The following CASP5 variants were observed in gnomAD, a reference collection of about 807,000 sequenced individuals.
CASP5 encodes the protein caspase-5.
Under a neutral mutation model 45.2 loss-of-function variants are expected in CASP5, and 42 were observed. That is an observed-to-expected ratio of 0.93 (90% CI 0.73 to 1.20). The LOEUF is 1.20. Among genes scored for constraint, CASP5 ranks in the 50% most tolerant of loss-of-function variants. The probability of loss-of-function intolerance (pLI) is 0.00; values close to 1 mark genes in which losing one functional copy is unlikely to be tolerated. For missense variants in CASP5, 512 were observed against 532.2 expected (o/e 0.96, Z 0.37); for synonymous variants, 209 against 186.2 (o/e 1.12, Z -1.00).
intron 8 of CASP5, 152 bp downstream of exon 8, chr11:104,997,231 A>C (rs2134688907): frequency 1.6e-6 from 1 of 610,264 alleles, no homozygotes; most frequent in East Asian, 3.0e-5. Context: ...TCTTTCTCTA[A>C]AGCAGATTTT....
At chr11:105,018,392 G>A (rs531951413) in intron 1 of CASP5, among the ~76,000 whole-genome samples, 9 of 152,276 alleles carry the variant, frequency 5.9e-5, no homozygotes, top group Non-Finnish European at 1.0e-4. Flanking sequence ...CCACCAGTGT[G>A]CTGTATTCAG....
At position 105,017,081 on chromosome 11, in the gene CASP5, C is replaced by A. The variant is rs1055907820; in HGVS notation, c.7+6049G>T. Among the ~76,000 whole-genome samples the A allele has an allele frequency of 2.7e-4, 41 of 151,886 alleles. 1 individual carries two copies. The highest frequency in any genetic ancestry group is 1.9e-4 in the East Asian group (1 of 5,168). ...TCACACGGCCGGGTACTCCAACAGA[C>A]CTGCAGCTGAGGGTCCTGTCTGTTA... On this transcript the variant is annotated intron_variant, in intron 1 of 9. Transcript: ENST00000260315.
Position 105,019,172 on chromosome 11 carries a change from T to G in CASP5, c.7+3958A>C, listed in dbSNP as rs1207691513. Among the ~76,000 whole-genome samples, 5 of 150,568 alleles carry G rather than the reference T, an allele frequency of 3.3e-5. No individual in the cohort carries two copies. In the South Asian group the frequency reaches 1.1e-3, roughly 32 times the overall value. ...TTCAAAGCAGTGTGTAGAGGGAAAT[T>G]TATAGCACTAAATGCCCACAAGAGA... On this transcript the variant is annotated intron_variant, in intron 1 of 9. Coordinates refer to ENST00000260315, the MANE Select transcript of CASP5 (RefSeq NM_004347.5).
intron 8 of CASP5, 151 bp downstream of exon 8, chr11:104,997,232 A>G: frequency 1.6e-6 from 1 of 611,566 alleles, no homozygotes; most frequent in East Asian, 3.0e-5. Flanking sequence ...CTTTCTCTAA[A>G]GCAGATTTTA....
chr11:105,013,187 A>G (rs1862436563), intron 1 of CASP5, among the ~76,000 whole-genome samples: 1 of 152,046 alleles, frequency 6.6e-6, no homozygotes, highest in South Asian at 2.1e-4. Flanking sequence ...AACAAATACT[A>G]TATGATCTCA....
At chr11:105,012,892 A>G (rs891932986) in intron 1 of CASP5, among the ~76,000 whole-genome samples, 11 of 152,010 alleles carry the variant, frequency 7.2e-5, no homozygotes, top group African/African-American at 2.7e-4. Flanking sequence ...TGAATTAAAA[A>G]TGTTAAAAAT....
intron 1 of CASP5, among the ~76,000 whole-genome samples, chr11:105,016,494 GGGAA>G (rs1862603641): frequency 6.6e-6 from 1 of 152,112 alleles, no homozygotes; most frequent in Admixed American, 6.5e-5. Flanking sequence ...TGCCTCACTC[GGGAA>G]GCGCAAGGGG....
At chr11:105,003,232 T>A (rs773989406) in intron 4 of CASP5, 42 bp downstream of exon 4, 7 of 1,198,828 alleles carry the variant, frequency 5.8e-6, no homozygotes, top group Non-Finnish European at 8.6e-6. Flanking sequence ...TGAAAGCAAT[T>A]GTTTCTCTCT....
At chr11:105,021,294 C>A (rs1358789306) in intron 1 of CASP5, among the ~76,000 whole-genome samples, 2 of 145,408 alleles carry the variant, frequency 1.4e-5, no homozygotes, top group Admixed American at 1.5e-4. Flanking sequence ...GCAACAGAAG[C>A]CAAAATTGAC....
chr11:104,999,104 G>A (rs1439982908), intron 6 of CASP5, 76 bp from the exon 7 acceptor site: 4 of 1,286,926 alleles, frequency 3.1e-6, no homozygotes, highest in Middle Eastern at 1.9e-4. Context: ...GTGTAGGTTT[G>A]TTACATAGTT....
intron 6 of CASP5, among the ~76,000 whole-genome samples, chr11:104,999,936 G>GTAAA (rs1424597115): frequency 6.6e-6 from 1 of 152,152 alleles, no homozygotes; most frequent in Non-Finnish European, 1.5e-5. Flanking sequence ...CAACATGTCT[G>GTAAA]TAAATCATTT....
chr11:104,997,447 G>C lies in CASP5; in HGVS notation c.1142C>G (p.Thr381Arg). 1 of 1,613,120 alleles carries C rather than the reference G, an allele frequency of 6.2e-7. No individual in the cohort carries two copies. Among genetic ancestry groups the C allele is most frequent in the Non-Finnish European group, 8.5e-7 (1 of 1,179,232 alleles). Residue 381 changes from threonine to arginine, a missense_variant, in exon 8 of 10, where the codon ACG becomes AGG. Coordinates refer to ENST00000260315, the MANE Select transcript of CASP5 (RefSeq NM_004347.5). ...RDRTRGSIFITELITCFQKYS... is the reference protein window; with the variant it reads ...RDRTRGSIFIRELITCFQKYS... Reference sequence around the variant, plus strand: ...TTTCTGGAAGCATGTGATGAGTTCCGTAATGAAGATGGAGCCCCTTGTGCG... The same window carrying C: ...TTTCTGGAAGCATGTGATGAGTTCCCTAATGAAGATGGAGCCCCTTGTGCG...
intron 1 of CASP5, among the ~76,000 whole-genome samples, chr11:105,013,552 T>A (rs1015391118): frequency 1.3e-5 from 2 of 152,076 alleles, no homozygotes; most frequent in Non-Finnish European, 2.9e-5. Flanking sequence ...AATAAAATAA[T>A]ATTTATAAAA....
At chr11:105,020,019 T>C (rs1862862574) in intron 1 of CASP5, among the ~76,000 whole-genome samples, 1 of 145,678 alleles carries the variant, frequency 6.9e-6, no homozygotes, top group African/African-American at 2.5e-5. Flanking sequence ...AATCAATAAA[T>C]ATAATCCAGC....
At chr11:105,020,659 G>A (rs1862901628) in intron 1 of CASP5, among the ~76,000 whole-genome samples, 1 of 151,418 alleles carries the variant, frequency 6.6e-6, no homozygotes, top group Non-Finnish European at 1.5e-5. Context: ...AATAAAAGAG[G>A]GTACAAACAA....
intron 1 of CASP5, among the ~76,000 whole-genome samples, chr11:105,020,657 A>C (rs1862901196): frequency 6.6e-6 from 1 of 151,930 alleles, no homozygotes; most frequent in Admixed American, 6.6e-5. Flanking sequence ...GAAATAAAAG[A>C]GGGTACAAAC....
intron 1 of CASP5, among the ~76,000 whole-genome samples, chr11:105,018,128 G>T (rs940212249): frequency 6.6e-6 from 1 of 151,154 alleles, no homozygotes; most frequent in Admixed American, 6.6e-5. Context: ...TCACCACCAG[G>T]CCTGCCCTAA....
chr11:105,022,470 G>T (rs930582998), intron 1 of CASP5, among the ~76,000 whole-genome samples: 3 of 152,122 alleles, frequency 2.0e-5, no homozygotes, highest in Non-Finnish European at 2.9e-5. Flanking sequence ...AGCTGCTTAA[G>T]TAGCCCAGGA....
chr11:105,009,045 G>T (rs1343802923), intron 1 of CASP5, 65 bp from the exon 2 acceptor site: 2 of 1,458,734 alleles, frequency 1.4e-6, no homozygotes, highest in South Asian at 1.2e-5. Flanking sequence ...CCTTGCTTTA[G>T]ACAAAGCTCT....
Sources: allele counts gnomAD v4.1 joint callset (sites outside exome capture counted in the v4.1 genomes callset), GRCh38; gene constraint gnomAD v4.1.1; transcripts MANE v1.5; gene names NCBI Gene and HGNC (gene_info 2026-07-23, HGNC 2026-07-21).